The following SOBP variants were observed in gnomAD, a reference collection of about 807,000 sequenced individuals.
SOBP encodes sine oculis binding protein homolog.
Under a neutral mutation model 53.6 loss-of-function variants are expected in SOBP, and 4 were observed. The ratio of observed to expected loss-of-function variants is 0.07; its 90% CI spans 0.04 to 0.17. SOBP has a LOEUF of 0.17. Ranked by LOEUF, SOBP falls within the 10% of genes least tolerant of loss-of-function variation. The pLI is 1.00. For synonymous variants in SOBP, 584 were observed against 522.6 expected (o/e 1.12, Z -1.60); for missense variants, 1,088 against 1,204.7 (o/e 0.90, Z 1.43).
chr6:107,659,166 G>C lies in SOBP; in HGVS notation c.*963G>C, dbSNP rs1772192313. ...TGGTTTTCGGTGATCCAGGAAGTCA[G>C]TGAGACAATCTCTCTATATGCAGAG... On this transcript the variant is annotated 3_prime_UTR_variant, in exon 7 of 7. Transcript: ENST00000317357. 1 of 152,622 alleles carries C rather than the reference G, an allele frequency of 6.6e-6. No homozygotes were observed. Among genetic ancestry groups the C allele is most frequent in the Non-Finnish European group, 1.5e-5 (1 of 68,048 alleles). The allele number at this position is 152,622 out of a possible 1,614,324, so 9.5% of individuals were successfully genotyped here. A position where few individuals can be genotyped will look rare whatever the true frequency, so the allele number is the denominator to read the frequency against.
rs1782709686 is a variant in SOBP, at chr6:107,496,810, A to C, written c.96+6098A>C. Among the ~76,000 whole-genome samples the C allele has an allele frequency of 2.0e-5, 3 of 152,304 alleles. No homozygotes were observed. The South Asian group carries it at 6.2e-4, about 32-fold the overall frequency. On this transcript the variant is annotated intron_variant, in intron 1 of 6. Coordinates refer to ENST00000317357, the MANE Select transcript of SOBP (RefSeq NM_018013.4). Reference sequence around the variant, plus strand: ...TAACTATACCATTGGATCCAGTGGGATCATGAAAGAGGAAGTACTTTGTAA... The same window carrying C: ...TAACTATACCATTGGATCCAGTGGGCTCATGAAAGAGGAAGTACTTTGTAA...
At chr6:107,522,727 A>G (rs1159002370) in intron 3 of SOBP, among the ~76,000 whole-genome samples, 2 of 151,662 alleles carry the variant, frequency 1.3e-5, no homozygotes, top group African/African-American at 2.4e-5. Context: ...ATTTTTTTGT[A>G]GAGATGGTGT....
At chr6:107,515,902 A>C (rs1028479940) in intron 3 of SOBP, among the ~76,000 whole-genome samples, 22 of 152,346 alleles carry the variant, frequency 1.4e-4, no homozygotes, top group African/African-American at 5.3e-4. Context: ...GGTTGGTTTA[A>C]ATTTTAAAAA....
chr6:107,628,696 G>A (rs1770571188), intron 5 of SOBP, among the ~76,000 whole-genome samples: 1 of 152,200 alleles, frequency 6.6e-6, no homozygotes, highest in Non-Finnish European at 1.5e-5. Context: ...AAGGAATAAA[G>A]CCCAGATTCA....
intron 4 of SOBP, 113 bp from the exon 5 acceptor site, chr6:107,586,967 T>C: frequency 1.2e-6 from 1 of 828,136 alleles, no homozygotes; most frequent in Non-Finnish European, 2.1e-6. Flanking sequence ...CTTCTTAATA[T>C]TGTTGTTATT....
intron 5 of SOBP, among the ~76,000 whole-genome samples, chr6:107,599,414 A>G (rs747275392): frequency 3.9e-5 from 6 of 152,232 alleles, no homozygotes; most frequent in Admixed American, 6.5e-5. Flanking sequence ...GAACCATCTT[A>G]TGATATACAG....
chr6:107,496,922 T>G (rs2114935368), intron 1 of SOBP, among the ~76,000 whole-genome samples: 1 of 152,368 alleles, frequency 6.6e-6, no homozygotes. Context: ...AAAATAAAAC[T>G]GATCCACTGG....
chr6:107,587,338 T>C (rs946405184), intron 5 of SOBP, 163 bp downstream of exon 5: 2 of 652,316 alleles, frequency 3.1e-6, no homozygotes, highest in African/African-American at 3.6e-5. Context: ...AATTTTAAGA[T>C]CTCAAATTGT....
intron 6 of SOBP, among the ~76,000 whole-genome samples, chr6:107,637,526 CT>C (rs1455326219): frequency 6.6e-6 from 1 of 152,220 alleles, no homozygotes; most frequent in African/African-American, 2.4e-5. Flanking sequence ...GAAAATGCCC[CT>C]GATTTCTTCA....
Position 107,632,322 on chromosome 6 carries a change from G to GC in SOBP, c.670-1183dup, listed in dbSNP as rs1219628954. 2.6e-3 allele frequency among the ~76,000 whole-genome samples: 379 copies of GC among 147,490 alleles called. 4 individuals carry two copies. Among genetic ancestry groups the GC allele is most frequent in the East Asian group, 6.7e-3 (34 of 5,062 alleles). On this transcript the variant is annotated intron_variant, in intron 5 of 6. Coordinates refer to ENST00000317357, the MANE Select transcript of SOBP (RefSeq NM_018013.4). ...ATATGGCTTGAGTGCTGAGAAAATG[G>GC]CCCCCCCCCAAAAAAAAGGAAAAAA...
chr6:107,583,875 C>A (rs1433572388), intron 4 of SOBP, among the ~76,000 whole-genome samples: 4 of 152,088 alleles, frequency 2.6e-5, no homozygotes, highest in Non-Finnish European at 4.4e-5. Context: ...ACTTACTGGT[C>A]GAGCATGCTA....
intron 3 of SOBP, chr6:107,514,295 G>A (rs923901869): frequency 1.3e-5 from 2 of 152,118 alleles, no homozygotes; most frequent in African/African-American, 4.8e-5. Flanking sequence ...GACTACAAGG[G>A]CAATTAAAGT....
intron 5 of SOBP, among the ~76,000 whole-genome samples, chr6:107,622,575 C>T (rs1048690838): frequency 6.6e-6 from 1 of 152,150 alleles, no homozygotes; most frequent in African/African-American, 2.4e-5. Context: ...CTTATGGGCA[C>T]AAAAAGGTGA....
chr6:107,620,559 A>T (rs1304281455), intron 5 of SOBP, among the ~76,000 whole-genome samples: 1 of 152,048 alleles, frequency 6.6e-6, no homozygotes, highest in African/African-American at 2.4e-5. Flanking sequence ...CCAGCATCTC[A>T]TGGGCTCTGT....
At chr6:107,617,534 C>T (rs1278594042) in intron 5 of SOBP, among the ~76,000 whole-genome samples, 1 of 152,136 alleles carries the variant, frequency 6.6e-6, no homozygotes, top group Non-Finnish European at 1.5e-5. Context: ...CCGTTTACTG[C>T]GTATCAAGCT....
chr6:107,505,056 C>T, intron 2 of SOBP, among the ~76,000 whole-genome samples: 1 of 152,074 alleles, frequency 6.6e-6, no homozygotes, highest in Non-Finnish European at 1.5e-5. Context: ...ATGCACAAAG[C>T]TCATATCGTT....
At chr6:107,491,954 A>G (rs1782591775) in intron 1 of SOBP, among the ~76,000 whole-genome samples, 7 of 152,244 alleles carry the variant, frequency 4.6e-5, no homozygotes. Flanking sequence ...TCATATATGT[A>G]TGCGTACCTA....
chr6:107,562,829 A>G (rs1784810562), intron 4 of SOBP, among the ~76,000 whole-genome samples: 1 of 152,244 alleles, frequency 6.6e-6, no homozygotes, highest in Non-Finnish European at 1.5e-5. Flanking sequence ...ACTGCTGTAC[A>G]TGAAATGGCA....
chr6:107,556,511 A>T (rs571275370), intron 4 of SOBP, among the ~76,000 whole-genome samples: 1 of 152,344 alleles, frequency 6.6e-6, no homozygotes, highest in Admixed American at 6.5e-5. Context: ...CCTGAAACCA[A>T]ATCACTAAAT....
Sources: allele counts gnomAD v4.1 joint callset (sites outside exome capture counted in the v4.1 genomes callset), GRCh38; gene constraint gnomAD v4.1.1; transcripts MANE v1.5; gene names NCBI Gene and HGNC (gene_info 2026-07-23, HGNC 2026-07-21).